Variants in ETFDH observed in about 807,000 individuals in gnomAD.
ETFDH encodes electron transfer flavoprotein dehydrogenase, also known as electron transfer flavoprotein-ubiquinone oxidoreductase, mitochondrial.
A neutral mutation model predicts 73.2 loss-of-function variants in ETFDH; 61 were observed. The observed-to-expected ratio is 0.83, with a 90% CI of 0.68 to 1.03. The LOEUF is 1.03. ETFDH is among the 50% of genes least tolerant of loss of function. The pLI, the probability that ETFDH is intolerant of heterozygous loss-of-function variation, is 0.00. For synonymous variants in ETFDH, 243 were observed against 253.3 expected (o/e 0.96, Z 0.39); for missense variants, 685 against 745.0 (o/e 0.92, Z 0.94).
intron 6 of ETFDH, among the ~76,000 whole-genome samples, chr4:158,694,388 T>C (rs954057678): frequency 1.3e-5 from 2 of 151,804 alleles, no homozygotes; most frequent in Non-Finnish European, 2.9e-5. Flanking sequence ...AGGTCAGGAG[T>C]TCGAGACCAG....
intron 5 of ETFDH, among the ~76,000 whole-genome samples, chr4:158,688,807 C>T (rs114902108): frequency 0.012 from 1,782 of 152,324 alleles, 28 homozygotes; most frequent in African/African-American, 0.038. Context: ...TCATTACATA[C>T]ATGTTAACTG....
intron 1 of ETFDH, chr4:158,679,904 T>A: frequency 6.7e-6 from 1 of 149,232 alleles, no homozygotes. Flanking sequence ...AAACCGCATC[T>A]CTACTAAAAA....
At chr4:158,704,613 CTTGT>C (rs1025559938) in intron 10 of ETFDH, among the ~76,000 whole-genome samples, 17 of 152,318 alleles carry the variant, frequency 1.1e-4, no homozygotes, top group Admixed American at 4.6e-4. Context: ...ATATTACTTA[CTTGT>C]TTATCAACTT....
At chr4:158,687,366 G>A (rs2150307534) in intron 5 of ETFDH, among the ~76,000 whole-genome samples, 1 of 152,268 alleles carries the variant, frequency 6.6e-6, no homozygotes, top group Middle Eastern at 3.4e-3. Context: ...AGCTTCTTCA[G>A]TTCAGCATGT....
intron 7 of ETFDH, 120 bp downstream of exon 7, chr4:158,695,763 G>A: frequency 2.7e-6 from 2 of 741,124 alleles, no homozygotes; most frequent in Non-Finnish European, 4.7e-6. Flanking sequence ...GTCTTGAAAT[G>A]TTCATTATGA....
chr4:158,677,752 A>C (rs1773745588), intron 1 of ETFDH, among the ~76,000 whole-genome samples: 1 of 152,276 alleles, frequency 6.6e-6, no homozygotes, highest in Middle Eastern at 3.4e-3. Context: ...GTTATGTCTA[A>C]ACTCCAAAAG....
intron 6 of ETFDH, among the ~76,000 whole-genome samples, chr4:158,692,288 T>C (rs1262225780): frequency 6.6e-6 from 1 of 150,522 alleles, no homozygotes; most frequent in Non-Finnish European, 1.5e-5. Flanking sequence ...TAATCCCAGC[T>C]GTTCGGGAGG....
intron 5 of ETFDH, among the ~76,000 whole-genome samples, chr4:158,687,442 T>C (rs187852819): frequency 5.3e-4 from 81 of 152,282 alleles, no homozygotes; most frequent in African/African-American, 1.9e-3. Flanking sequence ...GACATACTTT[T>C]TAGGGTATTA....
At chr4:158,681,989 G>A (rs1773871168) in intron 2 of ETFDH, 2 of 600,450 alleles carry the variant, frequency 3.3e-6, no homozygotes, top group African/African-American at 3.7e-5. Flanking sequence ...TTAGTTTATG[G>A]AAACTGAAAT....
At chr4:158,686,033 G>A (rs1359337923) in intron 5 of ETFDH, among the ~76,000 whole-genome samples, 2 of 152,192 alleles carry the variant, frequency 1.3e-5, no homozygotes, top group African/African-American at 4.8e-5. Flanking sequence ...TTTCAGGAAT[G>A]GGATGGAAGA....
In ETFDH at chr4:158,708,445, CAT is replaced by C. The variant is rs767795266; in HGVS notation, c.1773_1774del (p.Cys592Ter). The C allele has an allele frequency of 6.2e-6, 10 of 1,610,044 alleles. No individual in the cohort carries two copies. The highest frequency in any genetic ancestry group is 4.0e-5 in the African/African-American group (3 of 74,800). On this transcript the variant is annotated frameshift_variant, in exon 13 of 13. Transcript: ENST00000511912. LOFTEE classifies it high-confidence loss of function. ...GCTCAGAACTGTGTACATTGTAAAA[CAT>C]GTGATATTAAAGATCCAAGTCAGAA... is the stretch of plus-strand genomic sequence containing the variant.
intron 10 of ETFDH, among the ~76,000 whole-genome samples, chr4:158,705,075 T>C (rs1348694525): frequency 6.6e-6 from 1 of 151,580 alleles, no homozygotes; most frequent in Non-Finnish European, 1.5e-5. Flanking sequence ...AAAAGGGGAG[T>C]GGAGCCAGAA....
At chr4:158,673,139 A>G (rs1226132109) in intron 1 of ETFDH, among the ~76,000 whole-genome samples, 2 of 152,086 alleles carry the variant, frequency 1.3e-5, no homozygotes, top group Non-Finnish European at 2.9e-5. Flanking sequence ...CCCCATCTCT[A>G]CTAAAAATAC....
At chr4:158,682,498 G>A in intron 3 of ETFDH, 74 bp downstream of exon 3, 1 of 1,147,798 alleles carries the variant, frequency 8.7e-7, no homozygotes, top group Non-Finnish European at 1.3e-6. Context: ...CAAATTACTG[G>A]AATATAGGAA....
At chr4:158,695,785 T>C (rs1390570716) in intron 7 of ETFDH, 142 bp downstream of exon 7, 7 of 671,338 alleles carry the variant, frequency 1.0e-5, no homozygotes, top group Non-Finnish European at 1.8e-5. Flanking sequence ...TAAAACTTAT[T>C]TGCGATATTT....
At position 158,709,439 on chromosome 4, in the gene ETFDH, G is replaced by C; in HGVS notation, c.*912G>C. 1 of 199,928 alleles carries C rather than the reference G, an allele frequency of 5.0e-6. No individual in the cohort carries two copies. Among genetic ancestry groups the C allele is most frequent in the Non-Finnish European group, 1.0e-5 (1 of 99,346 alleles). The allele number at this position is 199,928 out of a possible 1,614,324, so 12.4% of individuals were successfully genotyped here. On this transcript the variant is annotated 3_prime_UTR_variant, in exon 13 of 13. Coordinates refer to ENST00000511912, the MANE Select transcript of ETFDH (RefSeq NM_004453.4). ...CCCAGCTACTTGGGAAGCTGAGGCAGGAGAATTGCTTGAACCCGGGAGGCA... is the reference window on the plus strand; with the variant it reads ...CCCAGCTACTTGGGAAGCTGAGGCACGAGAATTGCTTGAACCCGGGAGGCA...
Position 158,706,819 on chromosome 4 carries a change from T to C in ETFDH, c.1659T>C (p.Tyr553=), listed in dbSNP as rs1333454413. ...CTGTAAATAGAAATCTGTCGATATA[T>C]GATGGGCCCGAGCAGCGATTCTGTC... The part of the protein sequence containing the change: ...SIPVNRNLSI[Y]DGPEQRFCPA... Residue 553 remains tyrosine, a synonymous_variant, in exon 12 of 13, where the codon TAT becomes TAC. Coordinates refer to ENST00000511912, the MANE Select transcript of ETFDH (RefSeq NM_004453.4). The C allele has an allele frequency of 1.7e-5, 28 of 1,612,448 alleles. No individual in the cohort carries two copies. Among genetic ancestry groups the C allele is most frequent in the African/African-American group, 2.7e-5 (2 of 74,902 alleles).
chr4:158,684,383 C>G (rs1487069769), intron 3 of ETFDH, among the ~76,000 whole-genome samples: 2 of 78,048 alleles, frequency 2.6e-5, no homozygotes, highest in Non-Finnish European at 5.2e-5. Flanking sequence ...GAAAGAGACA[C>G]TGTCTCAAAA....
intron 6 of ETFDH, among the ~76,000 whole-genome samples, chr4:158,692,838 C>T (rs964001297): frequency 1.0e-4 from 13 of 126,908 alleles, no homozygotes; most frequent in South Asian, 9.6e-4. Flanking sequence ...CCAGCCTGGA[C>T]GACAGAGTGA....
Sources: gnomAD v4.1 joint callset for allele counts (sites outside exome capture counted in the v4.1 genomes callset) on GRCh38, gnomAD v4.1.1 for gene constraint, MANE v1.5 for transcripts, NCBI Gene and HGNC (gene_info 2026-07-23, HGNC 2026-07-21) for gene names.